PCDH15: variants seen among roughly 807,000 people sequenced by gnomAD.
The protein encoded by PCDH15 is protocadherin related 15.
PCDH15 carries 129 observed loss-of-function variants against 178.5 expected under a neutral mutation model. The ratio of observed to expected loss-of-function variants is 0.72; its 90% CI spans 0.63 to 0.84. The LOEUF (loss-of-function observed/expected upper bound fraction) is 0.84. Ranked by LOEUF, PCDH15 falls within the 40% of genes least tolerant of loss-of-function variation. The probability of loss-of-function intolerance (pLI) is 0.00; values close to 1 mark genes in which losing one functional copy is unlikely to be tolerated. For synonymous variants in PCDH15, 800 were observed against 732.0 expected (o/e 1.09, Z -1.50); for missense variants, 2,230 against 2,099.9 (o/e 1.06, Z -1.21).
chr10:54,792,526 C>A, intron 1 of PCDH15, among the ~76,000 whole-genome samples: 1 of 151,942 alleles, frequency 6.6e-6, no homozygotes, highest in South Asian at 2.1e-4. Context: ...GTAAAGCAGA[C>A]TGACAACCCA....
intron 1 of PCDH15, among the ~76,000 whole-genome samples, chr10:55,222,201 CCT>C (rs1204646263): frequency 6.6e-6 from 1 of 151,818 alleles, no homozygotes; most frequent in African/African-American, 2.4e-5. Context: ...TAATTATTTC[CCT>C]GTTTAACAAC....
intron 2 of PCDH15, among the ~76,000 whole-genome samples, chr10:55,405,881 TA>T (rs1230848373): frequency 6.6e-6 from 1 of 150,774 alleles, no homozygotes; most frequent in Non-Finnish European, 1.5e-5. Flanking sequence ...TTACAAATGT[TA>T]TGCAAAAAAA....
rs542022814 is a variant in PCDH15 at position 55,280,567 on chromosome 10, G to A, written c.-156+39032C>T. Among the ~76,000 whole-genome samples, 3 of 151,206 alleles carry A rather than the reference G, an allele frequency of 2.0e-5. No individual in the cohort carries two copies. The East Asian group carries it at 5.8e-4, about 29-fold the overall frequency. On this transcript the variant is annotated intron_variant, in intron 1 of 5. Transcript: ENST00000458638. ...GCCTCCCAAAGTGCTGGGATTACAG[G>A]CGTGAGCCACCGTGCCAGGCCTGTT...
intron 2 of PCDH15, among the ~76,000 whole-genome samples, chr10:55,426,455 G>T (rs1449130889): frequency 6.6e-6 from 1 of 152,086 alleles, no homozygotes; most frequent in Non-Finnish European, 1.5e-5. Flanking sequence ...AGAATCTTTG[G>T]GTGCTGGCAG....
At chr10:54,049,473 T>C (rs1027231218) in intron 18 of PCDH15, among the ~76,000 whole-genome samples, 10 of 152,198 alleles carry the variant, frequency 6.6e-5, no homozygotes, top group African/African-American at 2.4e-4. Flanking sequence ...CTTTCAGCAT[T>C]TTCATGTTCA....
intron 19 of PCDH15, 73 bp from the exon 20 acceptor site, chr10:54,020,489 T>G: frequency 7.2e-7 from 1 of 1,381,146 alleles, no homozygotes; most frequent in Non-Finnish European, 1.0e-6. Context: ...ATGGAAGTCA[T>G]GCGTTAGTGC....
chr10:54,272,333 T>C (rs2058100066), intron 8 of PCDH15, among the ~76,000 whole-genome samples: 1 of 151,872 alleles, frequency 6.6e-6, no homozygotes, highest in Admixed American at 6.6e-5. Flanking sequence ...ATCAAATCAT[T>C]CAGGACTCCC....
At chr10:54,387,144 C>A (rs1359095160) in intron 3 of PCDH15, among the ~76,000 whole-genome samples, 1 of 151,960 alleles carries the variant, frequency 6.6e-6, no homozygotes, top group Non-Finnish European at 1.5e-5. Flanking sequence ...AAAATAAAAT[C>A]ATATGGAAAT....
chr10:54,876,467 C>T (rs984290223), intron 3 of PCDH15, among the ~76,000 whole-genome samples: 6 of 152,074 alleles, frequency 3.9e-5, no homozygotes, highest in Admixed American at 2.0e-4. Flanking sequence ...ACAAGGAATC[C>T]GGGCAAAGTA....
chr10:55,570,692 CTA>C (rs1246627200), intron 2 of PCDH15, among the ~76,000 whole-genome samples: 3 of 151,958 alleles, frequency 2.0e-5, no homozygotes, highest in Non-Finnish European at 4.4e-5. Context: ...GCAGGATTTA[CTA>C]TGAGATATTT....
chr10:54,967,256 A>G (rs1217200290), intron 2 of PCDH15, among the ~76,000 whole-genome samples: 1 of 152,158 alleles, frequency 6.6e-6, no homozygotes, highest in Non-Finnish European at 1.5e-5. Flanking sequence ...TCATTGACTG[A>G]AACATTACAT....
chr10:54,009,309 A>G, intron 20 of PCDH15, among the ~76,000 whole-genome samples: 1 of 152,212 alleles, frequency 6.6e-6, no homozygotes, highest in South Asian at 2.1e-4. Context: ...GTATATAGAC[A>G]TGTGGACCCC....
chr10:54,500,386 A>G (rs2080555135), intron 3 of PCDH15, among the ~76,000 whole-genome samples: 1 of 152,146 alleles, frequency 6.6e-6, no homozygotes, highest in Non-Finnish European at 1.5e-5. Flanking sequence ...TCACCAAACC[A>G]CAGTGACATG....
rs760114299 is a variant in PCDH15, at chr10:53,802,985, A to G, written c.*3594T>C. 6.6e-6 allele frequency: 1 copy of G among 151,902 alleles called. No individual in the cohort carries two copies. The highest frequency in any genetic ancestry group is 1.5e-5 in the Non-Finnish European group (1 of 67,818). 9.4% of individuals were successfully genotyped at this position (151,902 alleles called of 1,614,324 possible). On this transcript the variant is annotated 3_prime_UTR_variant, in exon 38 of 38. Transcript: ENST00000644397. ...CTTCCATACATGTGCTTAACTGACC[A>G]TAAATTTAAAGTAGATTGCAATGAA...
intron 2 of PCDH15, among the ~76,000 whole-genome samples, chr10:54,936,501 G>A (rs554655152): frequency 1.1e-4 from 16 of 152,008 alleles, no homozygotes; most frequent in South Asian, 2.1e-4. Flanking sequence ...AGCCAACAAC[G>A]TGTAGAGATT....
intron 3 of PCDH15, among the ~76,000 whole-genome samples, chr10:54,518,369 T>C (rs1317369146): frequency 9.3e-5 from 14 of 151,138 alleles, no homozygotes; most frequent in Admixed American, 6.6e-5. Context: ...ATAAAAATGA[T>C]AAAGGGGATA....
At chr10:54,913,355 G>T (rs569813618) in intron 2 of PCDH15, among the ~76,000 whole-genome samples, 4 of 152,262 alleles carry the variant, frequency 2.6e-5, no homozygotes, top group African/African-American at 9.6e-5. Flanking sequence ...GCCATCAGAA[G>T]GTGCAAGCCC....
intron 1 of PCDH15, among the ~76,000 whole-genome samples, chr10:55,229,922 T>C (rs908471577): frequency 6.6e-6 from 1 of 152,012 alleles, no homozygotes; most frequent in African/African-American, 2.4e-5. Flanking sequence ...AATTCTGAAC[T>C]ATATGGACAA....
chr10:54,421,914 A>ATATATATATACAC (rs1565232265), intron 3 of PCDH15, among the ~76,000 whole-genome samples: 1,590 of 20,644 alleles, frequency 0.077, 82 homozygotes, highest in African/African-American at 0.2. Flanking sequence ...TATATACACT[A>ATATATATATACAC]TATATATATA....
Sources: allele counts gnomAD v4.1 joint callset (sites outside exome capture counted in the v4.1 genomes callset), GRCh38; gene constraint gnomAD v4.1.1; transcripts MANE v1.5; gene names NCBI Gene and HGNC (gene_info 2026-07-23, HGNC 2026-07-21).